The following COL26A1 variants were observed in gnomAD, a reference collection of about 807,000 sequenced individuals.
The protein encoded by COL26A1 is collagen type XXVI alpha 1 chain, also known as collagen alpha-1(XXVI) chain.
COL26A1 carries 41 observed loss-of-function variants against 59.3 expected under a neutral mutation model. The observed-to-expected ratio is 0.69, with a 90% CI of 0.54 to 0.90. The LOEUF (loss-of-function observed/expected upper bound fraction) is 0.90. Ranked by LOEUF, COL26A1 falls within the 40% of genes least tolerant of loss-of-function variation. COL26A1 has a pLI of 0.00. For synonymous variants in COL26A1, 266 were observed against 256.0 expected (o/e 1.04, Z -0.37); for missense variants, 612 against 602.3 (o/e 1.02, Z -0.17).
intron 1 of COL26A1, among the ~76,000 whole-genome samples, chr7:101,414,478 C>T (rs1323377188): frequency 3.3e-5 from 5 of 151,606 alleles, no homozygotes; most frequent in African/African-American, 2.4e-5. Flanking sequence ...TGCTCTGTCA[C>T]GCTGGCTGGA....
At chr7:101,456,914 G>A (rs916616631) in intron 3 of COL26A1, among the ~76,000 whole-genome samples, 1 of 152,130 alleles carries the variant, frequency 6.6e-6, no homozygotes, top group Non-Finnish European at 1.5e-5. Context: ...TGCTCAGTGG[G>A]TTCTTCCTGC....
chr7:101,455,503 C>CTTTTCTTT (rs755335381), intron 3 of COL26A1, among the ~76,000 whole-genome samples: 1 of 116,570 alleles, frequency 8.6e-6, no homozygotes, highest in African/African-American at 3.4e-5. Flanking sequence ...CTTTTCTTTT[C>CTTTTCTTT]TTTTTTTTTT....
At chr7:101,371,757 G>A (rs1057430832) in intron 1 of COL26A1, among the ~76,000 whole-genome samples, 5 of 152,122 alleles carry the variant, frequency 3.3e-5, no homozygotes, top group African/African-American at 7.2e-5. Context: ...ACACCACTGC[G>A]CTCCAGCCTG....
At position 101,537,689 on chromosome 7, in the gene COL26A1, A is replaced by G. The variant is rs116374796; in HGVS notation, c.448-2204A>G. On this transcript the variant is annotated intron_variant, in intron 4 of 12. Transcript: ENST00000313669. ...GGCCTTTTGTACTGGCTGGCAGGTC[A>G]CTTCGGGGGAAGCCAGAGCTTTGCC... Among the ~76,000 whole-genome samples the G allele has an allele frequency of 9.3e-3, 1,420 of 152,218 alleles. 26 individuals carry two copies. The highest frequency in any genetic ancestry group is 0.033 in the African/African-American group (1,364 of 41,526).
At chr7:101,446,400 A>T (rs143389455) in intron 2 of COL26A1, among the ~76,000 whole-genome samples, 28 of 152,326 alleles carry the variant, frequency 1.8e-4, no homozygotes, top group Admixed American at 5.9e-4. Context: ...TGGTTCATGT[A>T]AGATAACAGC....
intron 3 of COL26A1, among the ~76,000 whole-genome samples, chr7:101,531,945 C>G (rs757318972): frequency 2.2e-4 from 34 of 152,208 alleles, no homozygotes; most frequent in Non-Finnish European, 3.5e-4. Flanking sequence ...AGCCCCAGCA[C>G]GCAGAGTGGG....
chr7:101,539,300 G>A (rs1463855272), intron 4 of COL26A1, among the ~76,000 whole-genome samples: 4 of 150,982 alleles, frequency 2.6e-5, no homozygotes, highest in African/African-American at 9.8e-5. Flanking sequence ...GTGTATGTGT[G>A]TGTGTGTGTG....
At chr7:101,384,230 G>GTTTTTTTTTT (rs35085221) in intron 1 of COL26A1, among the ~76,000 whole-genome samples, 2 of 105,682 alleles carry the variant, frequency 1.9e-5, no homozygotes, top group African/African-American at 7.9e-5. Flanking sequence ...GTTCAGGCTG[G>GTTTTTTTTTT]TTTTTTTTTT....
chr7:101,387,172 A>G (rs1364116652), intron 1 of COL26A1, among the ~76,000 whole-genome samples: 1 of 152,154 alleles, frequency 6.6e-6, no homozygotes, highest in South Asian at 2.1e-4. Flanking sequence ...GACACTCCCA[A>G]GAGCTGCTTT....
chr7:101,486,047 C>T (rs937190378), intron 3 of COL26A1, among the ~76,000 whole-genome samples: 3 of 151,956 alleles, frequency 2.0e-5, no homozygotes, highest in Admixed American at 2.0e-4. Context: ...GTGACGGGCA[C>T]CTGTAGTCCC....
chr7:101,420,388 G>A (rs1164024941), intron 2 of COL26A1, among the ~76,000 whole-genome samples: 3 of 152,154 alleles, frequency 2.0e-5, no homozygotes, highest in East Asian at 1.9e-4. Flanking sequence ...ATCCGAGGTC[G>A]GGGAAGGCCA....
chr7:101,500,243 G>T (rs1041422922), intron 3 of COL26A1, among the ~76,000 whole-genome samples: 1 of 147,128 alleles, frequency 6.8e-6, no homozygotes, highest in Non-Finnish European at 1.5e-5. Flanking sequence ...ATTGCCGGGA[G>T]GGGGGGCAAG....
chr7:101,472,822 G>A (rs557395440), intron 3 of COL26A1, among the ~76,000 whole-genome samples: 151 of 151,570 alleles, frequency 1.0e-3, no homozygotes, highest in African/African-American at 3.5e-3. Flanking sequence ...GGGGACCTCC[G>A]GATCTGCAGA....
chr7:101,490,731 G>T (rs1474844779), intron 3 of COL26A1, among the ~76,000 whole-genome samples: 1 of 151,552 alleles, frequency 6.6e-6, no homozygotes, highest in Non-Finnish European at 1.5e-5. Context: ...ATGGACCATG[G>T]CTCATGCCTG....
chr7:101,417,497 CTTTTTTT>C (rs763020003), intron 1 of COL26A1, among the ~76,000 whole-genome samples: 1 of 133,870 alleles, frequency 7.5e-6, no homozygotes, highest in Non-Finnish European at 1.6e-5. Flanking sequence ...TGCCTAATAT[CTTTTTTT>C]TTTTTTTTTA....
intron 4 of COL26A1, among the ~76,000 whole-genome samples, chr7:101,533,521 G>A (rs1447574658): frequency 1.3e-5 from 2 of 152,310 alleles, no homozygotes; most frequent in South Asian, 4.1e-4. Flanking sequence ...AAAAGACTCC[G>A]TGGAGGAGGA....
At chr7:101,515,876 G>A (rs1389107134) in intron 3 of COL26A1, among the ~76,000 whole-genome samples, 1 of 152,112 alleles carries the variant, frequency 6.6e-6, no homozygotes, top group Non-Finnish European at 1.5e-5. Flanking sequence ...GGCATGAGCT[G>A]CTGCACCCGG....
chr7:101,491,919 C>G (rs1371508383), intron 3 of COL26A1, among the ~76,000 whole-genome samples: 1 of 152,172 alleles, frequency 6.6e-6, no homozygotes, highest in Non-Finnish European at 1.5e-5. Flanking sequence ...TGGACTTGCT[C>G]TGGTTCACAT....
At chr7:101,445,506 C>T (rs879309460) in intron 2 of COL26A1, among the ~76,000 whole-genome samples, 3 of 150,094 alleles carry the variant, frequency 2.0e-5, no homozygotes, top group Admixed American at 6.7e-5. Flanking sequence ...CCGAGGCGGG[C>T]GGATCACGAG....
Sources: allele counts gnomAD v4.1 joint callset (sites outside exome capture counted in the v4.1 genomes callset), GRCh38; gene constraint gnomAD v4.1.1; transcripts MANE v1.5; gene names NCBI Gene and HGNC (gene_info 2026-07-23, HGNC 2026-07-21).